BICDL1: variants seen among roughly 807,000 people sequenced by gnomAD.
BICDL1 encodes the protein BICD family like cargo adaptor 1, also known as BICD family-like cargo adapter 1.
A neutral mutation model predicts 76.8 loss-of-function variants in BICDL1; 20 were observed. The observed-to-expected ratio is 0.26, with a 90% CI of 0.18 to 0.38. The LOEUF (loss-of-function observed/expected upper bound fraction) is 0.38, where lower values mean the gene tolerates loss of function less well. BICDL1 is among the 10% of genes least tolerant of loss of function. The pLI is 1.00. For missense variants in BICDL1, 700 were observed against 798.6 expected, an observed-to-expected ratio of 0.88 and a Z score of 1.49; for synonymous variants, 383 against 337.1, an observed-to-expected ratio of 1.14 and a Z score of -1.49.
At chr12:120,040,787 G>A (rs989330746) in intron 2 of BICDL1, among the ~76,000 whole-genome samples, 9 of 136,288 alleles carry the variant, frequency 6.6e-5, no homozygotes, top group African/African-American at 2.5e-4. Context: ...TCACTCTGTC[G>A]CTCAGACTGG....
intron 2 of BICDL1, among the ~76,000 whole-genome samples, chr12:120,025,536 G>T (rs773382363): frequency 6.6e-6 from 1 of 152,216 alleles, no homozygotes; most frequent in African/African-American, 2.4e-5. Context: ...CCTGTCCTGC[G>T]TGGCTTCCAC....
chr12:119,994,575 C>T (rs140201535), intron 1 of BICDL1, among the ~76,000 whole-genome samples: 2,450 of 152,122 alleles, frequency 0.016, 36 homozygotes, highest in Non-Finnish European at 0.025. Flanking sequence ...CTGCAACCTC[C>T]GCCTCCCGGG....
rs989192147 is a variant in BICDL1, at chr12:120,079,106, G to A, written c.1453-1781G>A. On this transcript the variant is annotated intron_variant, in intron 7 of 9. Transcript: ENST00000548673. This position sits in a 1 kb window ranked among gnomAD's most constrained non-coding sequence, Gnocchi z 4.3. ...CCCTCCTCACCCAGCTGTCCCTACC[G>A]GAAAAGCTGCTGCTTTGGGCTGTTC... is the stretch of plus-strand genomic sequence containing the variant. Among the ~76,000 whole-genome samples the A allele has an allele frequency of 4.6e-5, 7 of 152,242 alleles. No individual in the cohort carries two copies. Among genetic ancestry groups the A allele is most frequent in the Non-Finnish European group, 7.3e-5 (5 of 68,042 alleles).
At position 120,079,147 on chromosome 12, in the gene BICDL1, C is replaced by T. The variant is rs947842379; in HGVS notation, c.1453-1740C>T. On this transcript the variant is annotated intron_variant, in intron 7 of 9. Transcript: ENST00000548673. The surrounding 1 kb of genome is among the most constrained non-coding windows in gnomAD (Gnocchi z 4.3). ...TGGGCTGTTCTCAGTACAGAGCACC[C>T]GGCCCTGATGTTTCCTGCTAGACTC... 3.3e-5 allele frequency among the ~76,000 whole-genome samples: 5 copies of T among 152,222 alleles called. No homozygotes were observed. The highest frequency in any genetic ancestry group is 5.9e-5 in the Non-Finnish European group (4 of 68,048).
chr12:120,040,025 C>T (rs970895845), intron 2 of BICDL1, among the ~76,000 whole-genome samples: 4 of 152,180 alleles, frequency 2.6e-5, no homozygotes, highest in Non-Finnish European at 5.9e-5. Flanking sequence ...GAATGTCCCA[C>T]TGGGATGTTA....
In BICDL1 at chr12:119,990,130, G is replaced by C. The variant is rs776434283; in HGVS notation, c.262G>C (p.Gly88Arg). ...AEPGSLAEGA[G>R]PQPPPSQDPE... ...GCCTGGGTCTCTGGCCGAGGGGGCC[G>C]GACCGCAGCCGCCGCCCTCCCAGGA... Residue 88 changes from glycine (G) to arginine (R), a missense_variant, in exon 1 of 10, where the codon GGA (glycine) becomes CGA (arginine). Gly to Arg is a moderately radical substitution (Grantham distance 125). This residue lies in a region of BICDL1 where 225 missense variants were observed against 199.6 expected (regional missense o/e 1.13). Coordinates refer to ENST00000548673, the MANE Select transcript of BICDL1 (RefSeq NM_001367886.1). The C allele has an allele frequency of 5.8e-6, 9 of 1,550,046 alleles. No homozygotes were observed. The South Asian group carries it at 1.1e-4, about 18-fold the overall frequency.
intron 2 of BICDL1, among the ~76,000 whole-genome samples, chr12:120,059,467 G>C (rs1288622641): frequency 3.3e-5 from 5 of 151,968 alleles, no homozygotes; most frequent in Non-Finnish European, 4.4e-5. Flanking sequence ...GTAGACACGG[G>C]GTTTCACCAT....
At chr12:120,033,367 C>CTTTTTGTTTTTTTTTT (rs1952463435) in intron 2 of BICDL1, among the ~76,000 whole-genome samples, 1 of 77,624 alleles carries the variant, frequency 1.3e-5, no homozygotes, top group African/African-American at 7.9e-5. Flanking sequence ...GAGTTCTTGC[C>CTTTTTGTTTTTTTTTT]TTTTTTTTTT....
At chr12:120,085,857 A>C (rs2139005921) in intron 8 of BICDL1, among the ~76,000 whole-genome samples, 1 of 151,126 alleles carries the variant, frequency 6.6e-6, no homozygotes, top group East Asian at 1.9e-4. Flanking sequence ...TGGGTTGGTT[A>C]CCTTCTCTCA....
intron 8 of BICDL1, among the ~76,000 whole-genome samples, chr12:120,087,405 A>G (rs1428135460): frequency 6.6e-6 from 1 of 152,248 alleles, no homozygotes; most frequent in Non-Finnish European, 1.5e-5. Flanking sequence ...ACCTGAAGCC[A>G]AAGAAGAAGT....
intron 2 of BICDL1, among the ~76,000 whole-genome samples, chr12:120,059,255 C>T (rs147365760): frequency 2.6e-5 from 4 of 151,848 alleles, no homozygotes; most frequent in East Asian, 1.9e-4. Context: ...CCACCATGCC[C>T]GGTTAATTTG....
chr12:119,989,975 G>T lies in BICDL1; in HGVS notation c.107G>T (p.Ser36Ile). The change falls in exon 1 of 10, where the codon AGT (serine) becomes ATT (isoleucine). Residue 36 changes from serine (S) to isoleucine (I), a missense_variant. Physicochemically the swap from Ser to Ile is moderately radical, Grantham distance 142. Transcript: ENST00000548673. ...LPAAAGDAVR[S>I]PAAAAALIFP... ...GCCGCGGCCGGGGACGCAGTCCGGAGTCCCGCCGCCGCCGCCGCCCTCATC... is the reference window on the plus strand; with the variant it reads ...GCCGCGGCCGGGGACGCAGTCCGGATTCCCGCCGCCGCCGCCGCCCTCATC... 6.8e-7 allele frequency: 1 copy of T among 1,469,856 alleles called. No individual in the cohort carries two copies. The highest frequency in any genetic ancestry group is 8.9e-7 in the Non-Finnish European group (1 of 1,124,878). 91.1% of individuals were successfully genotyped at this position (1,469,856 alleles called of 1,614,324 possible).
At chr12:119,999,190 C>G (rs74671979) in intron 2 of BICDL1, among the ~76,000 whole-genome samples, 3,535 of 151,632 alleles carry the variant, frequency 0.023, 147 homozygotes, top group African/African-American at 0.081. Context: ...TCTACAAGAA[C>G]TTTGGTATTA....
chr12:119,994,926 A>G (rs1229473807), intron 1 of BICDL1, among the ~76,000 whole-genome samples: 1 of 152,226 alleles, frequency 6.6e-6, no homozygotes, highest in Non-Finnish European at 1.5e-5. Context: ...TAATTATTGA[A>G]CCAGTACTCA....
rs1404120691 is a variant in BICDL1, at chr12:120,071,819, A to G, written c.1089+18A>G. 6 of 1,580,486 alleles carry G rather than the reference A, an allele frequency of 3.8e-6. No homozygotes were observed. On this transcript the variant is annotated intron_variant, in intron 5 of 9. Transcript: ENST00000548673. The surrounding 1 kb of genome is among the most constrained non-coding windows in gnomAD (Gnocchi z 4.8). ...GAGAGCAGGTGCTGACCTGCCTGTCACCCCACAGGCGAGGCTACCTGGGGT... is the reference window on the plus strand; with the variant it reads ...GAGAGCAGGTGCTGACCTGCCTGTCGCCCCACAGGCGAGGCTACCTGGGGT...
In BICDL1 at chr12:120,093,304, C is replaced by A; in HGVS notation, c.*143C>A. 1.0e-6 allele frequency: 1 copy of A among 959,138 alleles called. No individual in the cohort carries two copies. The highest frequency in any genetic ancestry group is 1.5e-6 in the Non-Finnish European group (1 of 655,006). 59.4% of individuals were successfully genotyped at this position (959,138 alleles called of 1,614,324 possible). ...CCCCATGGGTCCGGGAGGGCCTGCT[C>A]CCTTTCGTCGGTGGGGATGGAGACC... is the stretch of plus-strand genomic sequence containing the variant. On this transcript the variant is annotated 3_prime_UTR_variant, in exon 10 of 10. Transcript: ENST00000548673.
At chr12:120,021,608 AAAGAG>A (rs1260238804) in intron 2 of BICDL1, among the ~76,000 whole-genome samples, 127 of 146,160 alleles carry the variant, frequency 8.7e-4, no homozygotes, top group African/African-American at 3.0e-3. Flanking sequence ...AAAAAAAAAA[AAAGAG>A]AATCAGCCAG....
chr12:119,989,872 T>C lies in BICDL1; in HGVS notation c.4T>C (p.Ser2Pro). 1 of 1,408,632 alleles carries C rather than the reference T, an allele frequency of 7.1e-7. No individual in the cohort carries two copies. The highest frequency in any genetic ancestry group is 9.1e-7 in the Non-Finnish European group (1 of 1,093,412). 87.3% of individuals were successfully genotyped at this position (1,408,632 alleles called of 1,614,324 possible). The change falls in exon 1 of 10, where the codon TCC (serine) becomes CCC (proline). Residue 2 changes from serine (S) to proline (P), a missense_variant. Physicochemically the swap from Ser to Pro is moderately conservative, Grantham distance 74. This residue lies in a region of BICDL1 where 225 missense variants were observed against 199.6 expected (regional missense o/e 1.13). Transcript: ENST00000548673. M[S>P]AFCLGLVGRA... The stretch of plus-strand genomic sequence containing the variant: ...GCGGGCTCCGCGCGCGCGGGCCATG[T>C]CCGCTTTCTGCCTGGGCTTGGTCGG...
At chr12:119,995,940 C>T (rs1435556927) in intron 1 of BICDL1, among the ~76,000 whole-genome samples, 1 of 150,444 alleles carries the variant, frequency 6.6e-6, no homozygotes, top group African/African-American at 2.4e-5. Context: ...GAGCCGAGAT[C>T]ATGCCACTGC....
Sources: gnomAD v4.1 joint callset for allele counts (sites outside exome capture counted in the v4.1 genomes callset) on GRCh38, gnomAD v4.1.1 for gene constraint, gnomAD v4.1.1 regional missense constraint, Gnocchi (gnomAD v3.1) non-coding constraint, MANE v1.5 for transcripts, NCBI Gene and HGNC (gene_info 2026-07-23, HGNC 2026-07-21) for gene names.